Variants in LAMA2 observed in about 807,000 individuals in gnomAD.
LAMA2 encodes laminin subunit alpha 2.
LAMA2 carries 269 observed loss-of-function variants against 364.8 expected under a neutral mutation model. The observed-to-expected ratio is 0.74, with a 90% CI of 0.67 to 0.82. The LOEUF (loss-of-function observed/expected upper bound fraction) is 0.82. LAMA2 is among the 40% of genes least tolerant of loss of function. LAMA2 has a pLI of 0.00. For missense variants in LAMA2, 3,807 were observed against 3,873.2 expected, an observed-to-expected ratio of 0.98 and a Z score of 0.45; for synonymous variants, 1,379 against 1,370.6, an observed-to-expected ratio of 1.01 and a Z score of -0.14.
At chr6:129,411,418 G>A (rs569246096) in intron 40 of LAMA2, among the ~76,000 whole-genome samples, 1 of 152,332 alleles carries the variant, frequency 6.6e-6, no homozygotes, top group East Asian at 1.9e-4. Context: ...GAACTGTGCT[G>A]TGTAAGCAAG....
intron 19 of LAMA2, among the ~76,000 whole-genome samples, chr6:129,290,645 C>T (rs1789630171): frequency 6.6e-6 from 1 of 152,100 alleles, no homozygotes; most frequent in Non-Finnish European, 1.5e-5. Flanking sequence ...CCCATGTCAT[C>T]TCCTCCTTGT....
chr6:129,222,712 C>T (rs369064672), intron 12 of LAMA2, among the ~76,000 whole-genome samples: 1 of 151,986 alleles, frequency 6.6e-6, no homozygotes, highest in African/African-American at 2.4e-5. Context: ...ATGGTGTATA[C>T]ATGCCACATT....
intron 28 of LAMA2, among the ~76,000 whole-genome samples, chr6:129,326,661 T>C (rs1775305369): frequency 6.7e-6 from 1 of 148,258 alleles, no homozygotes; most frequent in Non-Finnish European, 1.5e-5. Flanking sequence ...TGCATGCACC[T>C]AGCAAGTATG....
chr6:129,413,219 A>T (rs1313827498), intron 40 of LAMA2, among the ~76,000 whole-genome samples: 2 of 152,160 alleles, frequency 1.3e-5, no homozygotes, highest in Non-Finnish European at 2.9e-5. Flanking sequence ...AAAGAAAGTG[A>T]TCATGATAGA....
intron 45 of LAMA2, among the ~76,000 whole-genome samples, chr6:129,450,489 A>C (rs943188226): frequency 6.6e-6 from 1 of 150,900 alleles, no homozygotes; most frequent in Non-Finnish European, 1.5e-5. Context: ...TGGCCGGCTA[A>C]TTTTTGTATT....
In LAMA2 at chr6:129,206,090, AAGGGAGGG is replaced by A. The variant is rs1197846032; in HGVS notation, c.1782+13249_1782+13256del. Among the ~76,000 whole-genome samples, 66 of 112,006 alleles carry A rather than the reference AAGGGAGGG, an allele frequency of 5.9e-4. 3 individuals carry two copies. The highest frequency in any genetic ancestry group is 2.3e-3 in the African/African-American group (60 of 26,598). The allele number at this position is 112,006 out of a possible 152,430, so 73.5% of individuals were successfully genotyped here. The stretch of plus-strand genomic sequence containing the variant: ...GGGAAAGGAAAGGAAAGGAGGAAGG[AAGGGAGGG>A]AGGGAGGGAGGAAGGAAGGAAGGAA... On this transcript the variant is annotated intron_variant, in intron 12 of 64. Coordinates refer to ENST00000421865, the MANE Select transcript of LAMA2 (RefSeq NM_000426.4).
At chr6:129,478,103 A>G (rs1450091481) in intron 53 of LAMA2, among the ~76,000 whole-genome samples, 1 of 152,174 alleles carries the variant, frequency 6.6e-6, no homozygotes, top group East Asian at 1.9e-4. Flanking sequence ...CAGTAAACCT[A>G]ATTTTTAAAC....
chr6:128,924,327 A>G (rs1327108276), intron 1 of LAMA2, among the ~76,000 whole-genome samples: 1 of 152,186 alleles, frequency 6.6e-6, no homozygotes, highest in Admixed American at 6.5e-5. Flanking sequence ...TGCTAACAAC[A>G]TAAAACTCTT....
chr6:129,451,802 C>T (rs1024344587), intron 45 of LAMA2, among the ~76,000 whole-genome samples: 4 of 152,184 alleles, frequency 2.6e-5, no homozygotes, highest in African/African-American at 9.7e-5. Flanking sequence ...TCTGCCCATA[C>T]TCAAACACAA....
chr6:128,887,415 T>A (rs764127599), intron 1 of LAMA2, among the ~76,000 whole-genome samples: 4 of 152,106 alleles, frequency 2.6e-5, no homozygotes, highest in African/African-American at 9.7e-5. Flanking sequence ...TATATGAACA[T>A]ATTCAACACT....
chr6:129,272,331 A>T (rs771402735), intron 17 of LAMA2, among the ~76,000 whole-genome samples: 4 of 152,120 alleles, frequency 2.6e-5, no homozygotes, highest in Non-Finnish European at 4.4e-5. Flanking sequence ...TCTGTGCCTC[A>T]ATTTTGTCAT....
intron 12 of LAMA2, among the ~76,000 whole-genome samples, chr6:129,249,058 C>A (rs771660123): frequency 6.6e-6 from 1 of 152,128 alleles, no homozygotes; most frequent in Admixed American, 6.5e-5. Flanking sequence ...CCTGTTTAAT[C>A]AGCCGTAGCG....
At chr6:129,205,803 T>C (rs185314527) in intron 12 of LAMA2, among the ~76,000 whole-genome samples, 160 of 152,112 alleles carry the variant, frequency 1.1e-3, no homozygotes, top group Non-Finnish European at 2.1e-3. Context: ...GACAGGCAGA[T>C]CACTGGAGAC....
At chr6:129,366,595 G>T (rs1258754541) in intron 33 of LAMA2, among the ~76,000 whole-genome samples, 1 of 152,028 alleles carries the variant, frequency 6.6e-6, no homozygotes, top group Non-Finnish European at 1.5e-5. Context: ...GCCTAAATCA[G>T]TTTTATTATG....
At position 129,315,523 on chromosome 6, in the gene LAMA2, T is replaced by C. The variant is rs1441606171; in HGVS notation, c.3603T>C (p.Ala1201=). 8 of 1,614,026 alleles carry C rather than the reference T, an allele frequency of 5.0e-6. No individual in the cohort carries two copies. In the Admixed American group the frequency reaches 1.3e-4, roughly 27 times the overall value. ...CCATTCTACCCCTGGTAGATGAGGCTCTGCAGCACACGACCACCAAGGGCA... is the reference window on the plus strand; with the variant it reads ...CCATTCTACCCCTGGTAGATGAGGCCCTGCAGCACACGACCACCAAGGGCA... ...EQTILPLVDE[A]LQHTTTKGIV... The change falls in exon 25 of 65, where the codon GCT becomes GCC. Residue 1201 remains alanine, a synonymous_variant. Transcript: ENST00000421865.
chr6:129,299,513 T>G (rs1773415036), intron 21 of LAMA2, among the ~76,000 whole-genome samples: 1 of 152,132 alleles, frequency 6.6e-6, no homozygotes, highest in African/African-American at 2.4e-5. Context: ...TCTTTCTATT[T>G]AGTGTTATGA....
At chr6:128,925,300 G>A (rs1046601561) in intron 1 of LAMA2, among the ~76,000 whole-genome samples, 1 of 152,162 alleles carries the variant, frequency 6.6e-6, no homozygotes, top group Non-Finnish European at 1.5e-5. Context: ...AAAATGTTGT[G>A]CATGTATACG....
At chr6:129,091,101 C>G (rs1301827936) in intron 3 of LAMA2, among the ~76,000 whole-genome samples, 1 of 152,020 alleles carries the variant, frequency 6.6e-6, no homozygotes, top group Non-Finnish European at 1.5e-5. Context: ...ATAACATTTT[C>G]ATGAAAAAAT....
At chr6:129,455,214 G>T (rs1782890522) in intron 47 of LAMA2, among the ~76,000 whole-genome samples, 1 of 151,798 alleles carries the variant, frequency 6.6e-6, no homozygotes. Context: ...CTGCAGTCCA[G>T]CCTGGGCAAC....
Sources: allele counts gnomAD v4.1 joint callset (sites outside exome capture counted in the v4.1 genomes callset), GRCh38; gene constraint gnomAD v4.1.1; transcripts MANE v1.5; gene names NCBI Gene and HGNC (gene_info 2026-07-23, HGNC 2026-07-21).